STOML3: variants seen among roughly 807,000 people sequenced by gnomAD.
STOML3 encodes stomatin-like protein 3.
STOML3 carries 31 observed loss-of-function variants against 29.5 expected under a neutral mutation model. The observed-to-expected ratio is 1.05, with a 90% CI of 0.79 to 1.42. The LOEUF (loss-of-function observed/expected upper bound fraction) is 1.42. Among genes scored for constraint, STOML3 ranks in the 40% most tolerant of loss-of-function variants. STOML3 has a pLI of 0.00. For missense variants in STOML3, 380 were observed against 363.0 expected (o/e 1.05, Z -0.38); for synonymous variants, 122 against 139.8 (o/e 0.87, Z 0.90).
At position 38,966,513 on chromosome 13, in the gene STOML3, T is replaced by G. The variant is rs1880648907; in HGVS notation, c.*312A>C. On this transcript the variant is annotated 3_prime_UTR_variant, in exon 7 of 7. Coordinates refer to ENST00000379631, the MANE Select transcript of STOML3 (RefSeq NM_145286.3). The stretch of plus-strand genomic sequence containing the variant: ...AAAAGTAATTCTGAAACATTAGTCA[T>G]AGTCACCCAATGATTTCTTCTCATA... The G allele has an allele frequency of 4.6e-6, 1 of 215,534 alleles. No homozygotes were observed. Among genetic ancestry groups the G allele is most frequent in the Admixed American group, 5.3e-5 (1 of 18,762 alleles). 13.4% of individuals were successfully genotyped at this position (215,534 alleles called of 1,614,324 possible).
intron 1 of STOML3, among the ~76,000 whole-genome samples, chr13:38,987,775 T>C (rs1188284854): frequency 8.5e-6 from 1 of 117,034 alleles, no homozygotes; most frequent in East Asian, 2.3e-4. Context: ...TAATATATAC[T>C]ATTGTGTATA....
At chr13:38,984,096 T>G (rs546736596) in intron 1 of STOML3, among the ~76,000 whole-genome samples, 5 of 152,128 alleles carry the variant, frequency 3.3e-5, no homozygotes, top group African/African-American at 1.2e-4. Flanking sequence ...AGGCTGCCAC[T>G]CAGAGCCCAG....
chr13:38,990,585 T>C lies in STOML3; in HGVS notation c.52+85A>G, dbSNP rs558714316. ...CGATTTCTGCAAATATATCTCATACTTACTCTATACCTGTCTATAATGCTA... is the reference window on the plus strand; with the variant it reads ...CGATTTCTGCAAATATATCTCATACCTACTCTATACCTGTCTATAATGCTA... On this transcript the variant is annotated intron_variant, in intron 1 of 6. Coordinates refer to ENST00000379631, the MANE Select transcript of STOML3 (RefSeq NM_145286.3). The C allele has an allele frequency of 2.4e-5, 33 of 1,361,628 alleles. No homozygotes were observed. The South Asian group carries it at 4.2e-4, about 17-fold the overall frequency. The allele number at this position is 1,361,628 out of a possible 1,614,324, so 84.3% of individuals were successfully genotyped here. A position where few individuals can be genotyped will look rare whatever the true frequency, so the allele number is the denominator to read the frequency against.
chr13:38,969,637 T>A (rs1280184820), intron 5 of STOML3, among the ~76,000 whole-genome samples: 1 of 152,140 alleles, frequency 6.6e-6, no homozygotes, highest in Non-Finnish European at 1.5e-5. Flanking sequence ...ACAGAAGTAT[T>A]CTTGTCCATA....
chr13:38,985,783 G>A (rs1374643071), intron 1 of STOML3, among the ~76,000 whole-genome samples: 2 of 150,632 alleles, frequency 1.3e-5, no homozygotes, highest in East Asian at 3.9e-4. Context: ...CAAACAGTAA[G>A]ATGCAAAATT....
chr13:38,972,416 C>G (rs1009345915), intron 4 of STOML3, 96 bp downstream of exon 4: 4 of 1,236,442 alleles, frequency 3.2e-6, no homozygotes, highest in Non-Finnish European at 4.6e-6. Flanking sequence ...CATCTTCCCT[C>G]CTATAGTTTA....
rs187260528 is a variant in STOML3, at chr13:38,985,848, T to A, written c.52+4822A>T. On this transcript the variant is annotated intron_variant, in intron 1 of 6. Transcript: ENST00000379631. Reference sequence around the variant, plus strand: ...AAGTATATATATAGAATAGAAAAAATTTTGGAAGAATATTAACCAAAATAT... The same window carrying A: ...AAGTATATATATAGAATAGAAAAAAATTTGGAAGAATATTAACCAAAATAT... Among the ~76,000 whole-genome samples the A allele has an allele frequency of 5.1e-4, 77 of 149,814 alleles. 1 individual carries two copies. Among genetic ancestry groups the A allele is most frequent in the African/African-American group, 1.7e-3 (69 of 40,988 alleles).
intron 1 of STOML3, among the ~76,000 whole-genome samples, chr13:38,984,946 G>A (rs1868449307): frequency 6.6e-6 from 1 of 152,180 alleles, no homozygotes; most frequent in Non-Finnish European, 1.5e-5. Flanking sequence ...AGTACAGGAT[G>A]AGGGTGATGT....
chr13:38,987,376 T>G (rs537470295), intron 1 of STOML3, among the ~76,000 whole-genome samples: 14 of 151,802 alleles, frequency 9.2e-5, no homozygotes, highest in African/African-American at 3.4e-4. Flanking sequence ...ATACAAAAAT[T>G]AGCCAGCCAT....
chr13:38,968,616 A>G, intron 5 of STOML3, 82 bp from the exon 6 acceptor site: 1 of 1,518,204 alleles, frequency 6.6e-7, no homozygotes, highest in South Asian at 1.3e-5. Flanking sequence ...TACTTTCAAG[A>G]TACATTTTTC....
chr13:38,973,280 C>CAAA (rs35160552), intron 3 of STOML3, among the ~76,000 whole-genome samples: 14 of 144,978 alleles, frequency 9.7e-5, no homozygotes, highest in South Asian at 2.2e-4. Context: ...AAAACTCTGT[C>CAAA]AAAAAAAAAA....
Position 38,990,797 on chromosome 13 carries a change from C to T in STOML3, c.-76G>A. On this transcript the variant is annotated 5_prime_UTR_variant, in exon 1 of 7. Coordinates refer to ENST00000379631, the MANE Select transcript of STOML3 (RefSeq NM_145286.3). ...TAAGTGTGAAGAACAGGCAGCAACT[C>T]AGATGTGCTTGGGAGAGGGGAGAGG... is the stretch of plus-strand genomic sequence containing the variant. 2.1e-6 allele frequency: 3 copies of T among 1,396,162 alleles called. No individual in the cohort carries two copies. Among genetic ancestry groups the T allele is most frequent in the Non-Finnish European group, 3.0e-6 (3 of 987,524 alleles). The allele number at this position is 1,396,162 out of a possible 1,614,324, so 86.5% of individuals were successfully genotyped here. A position where few individuals can be genotyped will look rare whatever the true frequency, so the allele number is the denominator to read the frequency against.
chr13:38,973,142 C>T (rs1015454496), intron 3 of STOML3, among the ~76,000 whole-genome samples: 1 of 135,992 alleles, frequency 7.4e-6, no homozygotes, highest in Non-Finnish European at 1.5e-5. Flanking sequence ...ATTATCTGGG[C>T]ATGGTCACAC....
chr13:38,972,372 G>T, intron 4 of STOML3, 140 bp downstream of exon 4: 2 of 713,012 alleles, frequency 2.8e-6, no homozygotes, highest in Non-Finnish European at 2.2e-6. Context: ...ACCAAGGAAG[G>T]GCAATTCAAG....
intron 1 of STOML3, among the ~76,000 whole-genome samples, chr13:38,985,042 A>G (rs114143167): frequency 0.016 from 2,484 of 152,238 alleles, 64 homozygotes; most frequent in African/African-American, 0.057. Context: ...TTTTCTCTCA[A>G]AAAAGTCAAT....
chr13:38,978,263 C>G (rs920839067), intron 1 of STOML3, among the ~76,000 whole-genome samples: 3 of 152,120 alleles, frequency 2.0e-5, no homozygotes, highest in Non-Finnish European at 4.4e-5. Context: ...AAGTAATTCT[C>G]CTGCCTCAGT....
intron 1 of STOML3, among the ~76,000 whole-genome samples, chr13:38,984,852 A>G (rs1302617856): frequency 6.6e-6 from 1 of 152,150 alleles, no homozygotes; most frequent in Non-Finnish European, 1.5e-5. Flanking sequence ...AGTGCTCTGA[A>G]TGCAGGTATT....
At chr13:38,972,439 A>T (rs967713233) in intron 4 of STOML3, 73 bp downstream of exon 4, 6 of 1,464,796 alleles carry the variant, frequency 4.1e-6, no homozygotes, top group Non-Finnish European at 5.7e-6. Flanking sequence ...AGTGAACTAT[A>T]AAATTGTAAT....
intron 1 of STOML3, among the ~76,000 whole-genome samples, chr13:38,988,618 TATATA>T (rs1217831788): frequency 7.6e-6 from 1 of 132,100 alleles, no homozygotes; most frequent in Non-Finnish European, 1.6e-5. Context: ...ATATATTTTA[TATATA>T]ATATATTATA....
Sources: gnomAD v4.1 joint callset for allele counts (sites outside exome capture counted in the v4.1 genomes callset) on GRCh38, gnomAD v4.1.1 for gene constraint, MANE v1.5 for transcripts, NCBI Gene and HGNC (gene_info 2026-07-23, HGNC 2026-07-21) for gene names.